The following LDLRAD4 variants were observed in gnomAD, a reference collection of about 807,000 sequenced individuals.
LDLRAD4 encodes low density lipoprotein receptor class A domain containing 4, also known as low-density lipoprotein receptor class A domain-containing protein 4.
In LDLRAD4, 5 loss-of-function variants were observed where a neutral mutation model predicts 17.0. The ratio of observed to expected loss-of-function variants is 0.29; its 90% CI spans 0.15 to 0.62. The LOEUF (loss-of-function observed/expected upper bound fraction) is 0.62, where lower values mean the gene tolerates loss of function less well. Ranked by LOEUF, LDLRAD4 falls within the 20% of genes least tolerant of loss-of-function variation. The pLI is 0.84. For missense variants in LDLRAD4, 340 were observed against 424.7 expected (o/e 0.80, Z 1.75); for synonymous variants, 168 against 171.8 (o/e 0.98, Z 0.17).
chr18:13,555,988 C>T (rs1354277886), intron 3 of LDLRAD4, among the ~76,000 whole-genome samples: 5 of 152,146 alleles, frequency 3.3e-5, no homozygotes, highest in African/African-American at 9.7e-5. Flanking sequence ...TAGATTTATT[C>T]TCCATCTAGC....
intron 3 of LDLRAD4, among the ~76,000 whole-genome samples, chr18:13,465,956 A>G (rs1465961090): frequency 6.6e-6 from 1 of 152,074 alleles, no homozygotes; most frequent in Non-Finnish European, 1.5e-5. Flanking sequence ...CTCACTTACT[A>G]TCTGTCTCTC....
intron 3 of LDLRAD4, among the ~76,000 whole-genome samples, chr18:13,538,459 A>G (rs1167804763): frequency 6.6e-6 from 1 of 152,126 alleles, no homozygotes; most frequent in African/African-American, 2.4e-5. Flanking sequence ...TAAATGAGAG[A>G]AAAAAATGCA....
chr18:13,450,326 A>AAC (rs1555691797), intron 3 of LDLRAD4, among the ~76,000 whole-genome samples: 2,306 of 68,110 alleles, frequency 0.034, 113 homozygotes, highest in Non-Finnish European at 0.036. Flanking sequence ...CTCTCCCCCC[A>AAC]CCCCCCCCCC....
intron 1 of LDLRAD4, among the ~76,000 whole-genome samples, chr18:13,253,240 T>G (rs1598915235): frequency 6.6e-6 from 1 of 150,446 alleles, no homozygotes; most frequent in Non-Finnish European, 1.5e-5. Context: ...AGACGTGGGG[T>G]GGGGGGTGTG....
At chr18:13,465,796 A>G (rs2092595611) in intron 3 of LDLRAD4, among the ~76,000 whole-genome samples, 1 of 152,322 alleles carries the variant, frequency 6.6e-6, no homozygotes, top group Admixed American at 6.5e-5. Context: ...AAGTGTTCCT[A>G]TTTTGAAAGC....
intron 1 of LDLRAD4, among the ~76,000 whole-genome samples, chr18:13,315,147 T>C (rs1192570287): frequency 6.6e-6 from 1 of 152,100 alleles, no homozygotes; most frequent in Non-Finnish European, 1.5e-5. Flanking sequence ...AAACCTGAAA[T>C]AGTTTAGCCT....
intron 4 of LDLRAD4, among the ~76,000 whole-genome samples, chr18:13,632,508 C>T (rs1452136575): frequency 1.3e-5 from 2 of 152,200 alleles, no homozygotes; most frequent in Admixed American, 1.3e-4. Flanking sequence ...GCACTTGCGT[C>T]TGGATGAGGG....
chr18:13,301,344 C>A lies in LDLRAD4; in HGVS notation c.-383+23156C>A, dbSNP rs141341585. Reference sequence around the variant, plus strand: ...CCAGATGAGCTTGAAGGAGACTTCCCGCTGGACCATTCTCGAACTTGAGAG... The same window carrying A: ...CCAGATGAGCTTGAAGGAGACTTCCAGCTGGACCATTCTCGAACTTGAGAG... On this transcript the variant is annotated intron_variant, in intron 1 of 5. Coordinates refer to ENST00000359446, the Ensembl canonical transcript of LDLRAD4. Among the ~76,000 whole-genome samples the A allele has an allele frequency of 5.1e-3, 768 of 151,548 alleles. 4 individuals carry two copies. Among genetic ancestry groups the A allele is most frequent in the African/African-American group, 0.017 (719 of 41,346 alleles).
In LDLRAD4 at chr18:13,253,297, G is replaced by A. The variant is rs114412970; in HGVS notation, c.-466-24808G>A. Reference sequence around the variant, plus strand: ...GCCCGGAGCCTTGCTGTGATCGGCTGTGGTGGGGAAGCTGGGCGCCACTGC... The same window carrying A: ...GCCCGGAGCCTTGCTGTGATCGGCTATGGTGGGGAAGCTGGGCGCCACTGC... On this transcript the variant is annotated intron_variant, in intron 1 of 5. Coordinates refer to the LDLRAD4 transcript ENST00000399848. Among the ~76,000 whole-genome samples, 3 of 152,332 alleles carry A rather than the reference G, an allele frequency of 2.0e-5. No individual in the cohort carries two copies. In the East Asian group the frequency reaches 5.8e-4, roughly 29 times the overall value.
intron 1 of LDLRAD4, among the ~76,000 whole-genome samples, chr18:13,315,881 G>A (rs1317129710): frequency 6.6e-6 from 1 of 152,012 alleles, no homozygotes; most frequent in African/African-American, 2.4e-5. Flanking sequence ...AATATAAATT[G>A]GATAGCAGAT....
At chr18:13,544,885 CTTTT>C (rs58284452) in intron 3 of LDLRAD4, among the ~76,000 whole-genome samples, 1,279 of 122,818 alleles carry the variant, frequency 0.01, 25 homozygotes, top group African/African-American at 0.037. Context: ...GATGGTTTGT[CTTTT>C]TTTTTTTTTT....
intron 3 of LDLRAD4, among the ~76,000 whole-genome samples, chr18:13,549,231 A>G (rs1033928311): frequency 2.0e-5 from 3 of 152,248 alleles, no homozygotes; most frequent in African/African-American, 7.2e-5. Context: ...TAATTTGCCA[A>G]GCTCCCTGCT....
At chr18:13,578,825 G>GTTTTTTTTTTTTTTTTT (rs1286958694) in intron 3 of LDLRAD4, among the ~76,000 whole-genome samples, 1 of 49,886 alleles carries the variant, frequency 2.0e-5, no homozygotes, top group African/African-American at 8.7e-5. Flanking sequence ...AGTTGTCCGG[G>GTTTTTTTTTTTTTTTTT]TCTTTTTTTT....
intron 1 of LDLRAD4, among the ~76,000 whole-genome samples, chr18:13,281,610 A>G (rs536596962): frequency 6.6e-6 from 1 of 152,250 alleles, no homozygotes; most frequent in Admixed American, 6.5e-5. Flanking sequence ...CTGGCCTTTC[A>G]GGTTGCTATC....
At chr18:13,423,228 C>T (rs1414370174) in intron 2 of LDLRAD4, among the ~76,000 whole-genome samples, 1 of 152,152 alleles carries the variant, frequency 6.6e-6, no homozygotes, top group Admixed American at 6.5e-5. Context: ...CGTGGTGGCT[C>T]ATGCCTGTAA....
intron 1 of LDLRAD4, among the ~76,000 whole-genome samples, chr18:13,245,558 G>A (rs2042915524): frequency 6.6e-6 from 1 of 152,224 alleles, no homozygotes; most frequent in Admixed American, 6.5e-5. Flanking sequence ...AAGGCTCAGG[G>A]CTGGCTCTCA....
At position 13,293,477 on chromosome 18, in the gene LDLRAD4, A is replaced by G. The variant is rs1421265286; in HGVS notation, c.-383+15289A>G. Reference sequence around the variant, plus strand: ...TGGAGCAAACACCTCCTCATGTAGAAGTTATGCAAACCTATGCAAACCCCA... The same window carrying G: ...TGGAGCAAACACCTCCTCATGTAGAGGTTATGCAAACCTATGCAAACCCCA... On this transcript the variant is annotated intron_variant, in intron 1 of 5. Coordinates refer to ENST00000359446, the Ensembl canonical transcript of LDLRAD4. 5.3e-4 allele frequency among the ~76,000 whole-genome samples: 80 copies of G among 152,252 alleles called. 1 individual carries two copies. Among genetic ancestry groups the G allele is most frequent in the Admixed American group, 5.2e-3 (80 of 15,286 alleles).
At chr18:13,421,179 A>G (rs1262541926) in intron 2 of LDLRAD4, 1 of 152,516 alleles carries the variant, frequency 6.6e-6, no homozygotes, top group Non-Finnish European at 1.5e-5. Flanking sequence ...CTGCCCGTGT[A>G]GGGGTGTCCA....
rs1009434234 is a variant in LDLRAD4 at position 13,595,409 on chromosome 18, C to T, written c.182-25708C>T. 3.9e-5 allele frequency among the ~76,000 whole-genome samples: 6 copies of T among 152,040 alleles called. No homozygotes were observed. The South Asian group carries it at 8.3e-4, about 21-fold the overall frequency. The stretch of plus-strand genomic sequence containing the variant: ...ATCCCATAAGTTTTGGTATGTTTTG[C>T]TTTTATTTGCCTTCATCTCAGAGTG... On this transcript the variant is annotated intron_variant, in intron 3 of 5. Transcript: ENST00000359446.
Sources: gnomAD v4.1 joint callset for allele counts (sites outside exome capture counted in the v4.1 genomes callset) on GRCh38, gnomAD v4.1.1 for gene constraint, MANE v1.5 for transcripts, NCBI Gene and HGNC (gene_info 2026-07-23, HGNC 2026-07-21) for gene names.